The following BBX variants were observed in gnomAD, a reference collection of about 807,000 sequenced individuals.
BBX encodes the protein HMG box transcription factor BBX.
Under a neutral mutation model 100.2 loss-of-function variants are expected in BBX, and 30 were observed. That is an observed-to-expected ratio of 0.30 (90% confidence interval 0.22 to 0.41). BBX has a LOEUF of 0.41. Ranked by LOEUF, BBX falls within the 10% of genes least tolerant of loss-of-function variation. The pLI is 1.00. For missense variants in BBX, 1,023 were observed against 1,129.8 expected, an observed-to-expected ratio of 0.91 and a Z score of 1.35; for synonymous variants, 376 against 388.1, an observed-to-expected ratio of 0.97 and a Z score of 0.37.
intron 2 of BBX, among the ~76,000 whole-genome samples, chr3:107,639,126 A>G (rs1017471842): frequency 2.6e-5 from 4 of 152,184 alleles, no homozygotes; most frequent in East Asian, 1.9e-4. Flanking sequence ...AATTATGTAA[A>G]TTGATAATTA....
intron 2 of BBX, among the ~76,000 whole-genome samples, chr3:107,620,930 C>T (rs1365248559): frequency 8.7e-5 from 8 of 91,720 alleles, no homozygotes; most frequent in African/African-American, 3.6e-4. Flanking sequence ...TTGATTTCTG[C>T]GGAGTGTGTG....
chr3:107,808,429 AGCCCTTCTCT>A lies in BBX; in HGVS notation c.*2975_*2984del, dbSNP rs1559836581. The A allele has an allele frequency of 6.6e-6, 1 of 152,188 alleles. No homozygotes were observed. The highest frequency in any genetic ancestry group is 1.5e-5 in the Non-Finnish European group (1 of 68,028). The allele number at this position is 152,188 out of a possible 1,614,324, so 9.4% of individuals were successfully genotyped here. On this transcript the variant is annotated 3_prime_UTR_variant, in exon 18 of 18. Coordinates refer to ENST00000325805, the MANE Select transcript of BBX (RefSeq NM_001142568.3). Reference sequence around the variant, plus strand: ...AAATCTTTTGAAAAAAAATTGTCCTAGCCCTTCTCTGCGATGCTGGAAGTAGAAGATTGCG... The same window carrying A: ...AAATCTTTTGAAAAAAAATTGTCCTAGCGATGCTGGAAGTAGAAGATTGCG...
chr3:107,554,478 G>T (rs538355002), intron 2 of BBX, among the ~76,000 whole-genome samples: 1 of 152,254 alleles, frequency 6.6e-6, no homozygotes. Flanking sequence ...TATGTATCTA[G>T]CTCACAAAGG....
intron 13 of BBX, among the ~76,000 whole-genome samples, chr3:107,785,687 A>T (rs1426682819): frequency 1.3e-5 from 2 of 152,062 alleles, no homozygotes; most frequent in Non-Finnish European, 2.9e-5. Context: ...CCTCAGCCTG[A>T]TAAAAGGCAT....
intron 13 of BBX, among the ~76,000 whole-genome samples, chr3:107,778,919 A>G (rs1476985348): frequency 6.7e-6 from 1 of 149,424 alleles, no homozygotes. Flanking sequence ...TTTTCACCTG[A>G]TAAGCAGATG....
intron 13 of BBX, among the ~76,000 whole-genome samples, chr3:107,786,608 T>C (rs1208855131): frequency 6.6e-6 from 1 of 152,126 alleles, no homozygotes; most frequent in African/African-American, 2.4e-5. Context: ...TCAAATGAAG[T>C]TGGACACTTA....
intron 3 of BBX, among the ~76,000 whole-genome samples, chr3:107,680,175 C>G (rs1297197284): frequency 2.0e-5 from 3 of 152,172 alleles, no homozygotes; most frequent in Non-Finnish European, 2.9e-5. Context: ...ACCTTCCTTA[C>G]TGGCCACATG....
chr3:107,760,495 C>T (rs954180334), intron 10 of BBX, among the ~76,000 whole-genome samples: 8 of 152,222 alleles, frequency 5.3e-5, no homozygotes, highest in Admixed American at 5.2e-4. Context: ...TTATGGTATA[C>T]AACTCCTGTC....
intron 11 of BBX, among the ~76,000 whole-genome samples, chr3:107,774,416 G>T (rs757527123): frequency 6.6e-6 from 1 of 152,138 alleles, no homozygotes; most frequent in Non-Finnish European, 1.5e-5. Context: ...CACCAGCAAA[G>T]GACTCCCATA....
intron 2 of BBX, among the ~76,000 whole-genome samples, chr3:107,622,364 A>T (rs2055842823): frequency 6.6e-6 from 1 of 152,228 alleles, no homozygotes; most frequent in Non-Finnish European, 1.5e-5. Flanking sequence ...CTTTATAGTA[A>T]TTGTGAATAA....
intron 2 of BBX, among the ~76,000 whole-genome samples, chr3:107,590,211 A>G (rs1029383241): frequency 2.0e-5 from 3 of 152,180 alleles, no homozygotes; most frequent in Non-Finnish European, 2.9e-5. Context: ...ATTTATTAAC[A>G]TGGTTAAGCA....
chr3:107,538,569 A>G (rs1392234302), intron 2 of BBX, among the ~76,000 whole-genome samples: 2 of 152,150 alleles, frequency 1.3e-5, no homozygotes, highest in African/African-American at 2.4e-5. Context: ...TAGTTTTTCA[A>G]ATAGAACTAT....
chr3:107,797,935 AAG>A (rs2069921024), intron 15 of BBX, among the ~76,000 whole-genome samples: 1 of 152,228 alleles, frequency 6.6e-6, no homozygotes, highest in South Asian at 2.1e-4. Flanking sequence ...CAGTGAATGA[AAG>A]AGAGTTTCTT....
intron 3 of BBX, among the ~76,000 whole-genome samples, chr3:107,709,137 T>A (rs188924900): frequency 8.5e-4 from 129 of 152,122 alleles, no homozygotes; most frequent in African/African-American, 1.2e-3. Flanking sequence ...TATTTTTTTT[T>A]AAAAAAGAAG....
chr3:107,648,063 G>GTA lies in BBX; in HGVS notation c.-10+2155_-10+2156dup, dbSNP rs550119297. On this transcript the variant is annotated intron_variant, in intron 3 of 17. Coordinates refer to ENST00000325805, the MANE Select transcript of BBX (RefSeq NM_001142568.3). ...AGGGAAAGACTGATAGGGAGAAACA[G>GTA]TACATATTTTAACTATTATATCTGC... is the stretch of plus-strand genomic sequence containing the variant. 8.6e-3 allele frequency among the ~76,000 whole-genome samples: 1,304 copies of GTA among 152,240 alleles called. 23 individuals carry two copies. Among genetic ancestry groups the GTA allele is most frequent in the African/African-American group, 0.03 (1,243 of 41,536 alleles).
At chr3:107,786,964 A>G (rs2068492431) in intron 13 of BBX, among the ~76,000 whole-genome samples, 1 of 152,184 alleles carries the variant, frequency 6.6e-6, no homozygotes, top group Non-Finnish European at 1.5e-5. Context: ...GCTCATAAAA[A>G]CGGGCAAGTG....
At chr3:107,790,000 G>A (rs996448215) in intron 14 of BBX, 124 bp downstream of exon 14, 2 of 633,800 alleles carry the variant, frequency 3.2e-6, no homozygotes, top group East Asian at 5.7e-5. Flanking sequence ...AGTGCCATCA[G>A]CTCCTGACGC....
At chr3:107,523,245 G>A (rs2047490957) in intron 1 of BBX, 138 bp downstream of exon 1, 4 of 221,752 alleles carry the variant, frequency 1.8e-5, no homozygotes, top group Admixed American at 5.5e-5. Flanking sequence ...CGGCGGCGGC[G>A]GCAGCCGGTA....
intron 5 of BBX, among the ~76,000 whole-genome samples, chr3:107,727,658 T>C (rs1288532675): frequency 6.6e-6 from 1 of 152,162 alleles, no homozygotes; most frequent in Non-Finnish European, 1.5e-5. Flanking sequence ...TAATTATCTA[T>C]ATTACAGTTT....
Sources: gnomAD v4.1 joint callset for allele counts (sites outside exome capture counted in the v4.1 genomes callset) on GRCh38, gnomAD v4.1.1 for gene constraint, MANE v1.5 for transcripts, NCBI Gene and HGNC (gene_info 2026-07-23, HGNC 2026-07-21) for gene names.